ZXDC: variants seen among roughly 807,000 people sequenced by gnomAD.
ZXDC encodes ZXD family zinc finger C.
ZXDC carries 58 observed loss-of-function variants against 63.6 expected under a neutral mutation model. The ratio of observed to expected loss-of-function variants is 0.91; its 90% confidence interval spans 0.74 to 1.13. The LOEUF (loss-of-function observed/expected upper bound fraction) is 1.13. ZXDC is among the 50% of genes most tolerant of loss of function. The pLI, the probability that ZXDC is intolerant of heterozygous loss-of-function variation, is 0.00. For synonymous variants in ZXDC, 561 were observed against 496.1 expected (o/e 1.13, Z -1.74); for missense variants, 1,133 against 1,148.9 (o/e 0.99, Z 0.20).
At chr3:126,462,812 G>A (rs1025794750) in intron 5 of ZXDC, among the ~76,000 whole-genome samples, 2 of 152,162 alleles carry the variant, frequency 1.3e-5, no homozygotes, top group Admixed American at 6.5e-5. Flanking sequence ...AATAAAACTG[G>A]CTGCCTGGCA....
intron 7 of ZXDC, among the ~76,000 whole-genome samples, chr3:126,444,701 C>G (rs561333809): frequency 1.3e-5 from 2 of 152,182 alleles, no homozygotes; most frequent in Non-Finnish European, 2.9e-5. Flanking sequence ...CTGAGCCATT[C>G]ATCATGATTC....
chr3:126,453,466 T>C, intron 7 of ZXDC: 1 of 985,474 alleles, frequency 1.0e-6, no homozygotes, highest in Non-Finnish European at 1.2e-6. Flanking sequence ...GCATTTAGTT[T>C]TGGCTACATC....
At chr3:126,445,366 T>A (rs187519702) in intron 7 of ZXDC, among the ~76,000 whole-genome samples, 5 of 152,008 alleles carry the variant, frequency 3.3e-5, no homozygotes, top group Admixed American at 2.0e-4. Context: ...GCAGAACATC[T>A]CAGCGTCCAC....
At chr3:126,455,134 C>T (rs1172984285) in intron 7 of ZXDC, 1 of 980,652 alleles carries the variant, frequency 1.0e-6, no homozygotes, top group Non-Finnish European at 1.2e-6. Flanking sequence ...AATGTTGAAA[C>T]CAAAAAATCC....
At chr3:126,440,457 A>G (rs1933633759) in intron 8 of ZXDC, 1 of 985,386 alleles carries the variant, frequency 1.0e-6, no homozygotes, top group Non-Finnish European at 1.2e-6. Flanking sequence ...AAGGGACAGA[A>G]AAAGAACTCA....
At chr3:126,452,275 C>G in intron 7 of ZXDC, 1 of 985,448 alleles carries the variant, frequency 1.0e-6, no homozygotes, top group Non-Finnish European at 1.2e-6. Context: ...TTGTCCATAG[C>G]TTCTTACACA....
In ZXDC at chr3:126,461,710, C is replaced by G; in HGVS notation, c.1952G>C (p.Ser651Thr). ...TSSSTPRENA[S>T]VPELLAPIKV... ...GATTGGAGCCAGCAGTTCCGGGACA[C>G]TGGCATTTTCTCGGGGGGTGCTCGA... Residue 651 changes from serine to threonine, a missense_variant, in exon 6 of 10, where the codon AGT (serine) becomes ACT (threonine). Physicochemically the swap from Ser to Thr is moderately conservative, Grantham distance 58 (BLOSUM62 1). Coordinates refer to ENST00000389709, the MANE Select transcript of ZXDC (RefSeq NM_025112.5). 4 of 1,613,650 alleles carry G rather than the reference C, an allele frequency of 2.5e-6. No individual in the cohort carries two copies. Among genetic ancestry groups the G allele is most frequent in the Non-Finnish European group, 3.4e-6 (4 of 1,179,888 alleles).
intron 7 of ZXDC, 166 bp from the exon 8 acceptor site, chr3:126,442,112 G>A (rs1933706288): frequency 2.8e-6 from 2 of 707,190 alleles, no homozygotes; most frequent in Admixed American, 8.4e-5. Context: ...TTAAGAGGTT[G>A]AAACAAACAA....
chr3:126,457,580 A>G, intron 7 of ZXDC: 1 of 985,440 alleles, frequency 1.0e-6, no homozygotes, highest in Non-Finnish European at 1.2e-6. Flanking sequence ...ATTTAAACCA[A>G]TGAGTGCATT....
chr3:126,474,306 C>T (rs1045221980), intron 1 of ZXDC, among the ~76,000 whole-genome samples: 3 of 152,120 alleles, frequency 2.0e-5, no homozygotes, highest in South Asian at 2.1e-4. Context: ...CCTCGTAATC[C>T]GCCCGCCTCG....
intron 7 of ZXDC, chr3:126,458,869 C>T (rs1161527212): frequency 8.1e-6 from 8 of 985,266 alleles, no homozygotes; most frequent in African/African-American, 1.7e-5. Context: ...GATGCATACA[C>T]TATAGTGAAA....
intron 7 of ZXDC, among the ~76,000 whole-genome samples, chr3:126,450,820 AGT>A (rs1934072864): frequency 6.6e-6 from 1 of 152,214 alleles, no homozygotes; most frequent in African/African-American, 2.4e-5. Context: ...GGAACACTCC[AGT>A]GTGTGTGTGC....
intron 7 of ZXDC, chr3:126,453,212 TAC>T: frequency 1.0e-6 from 1 of 985,290 alleles, no homozygotes; most frequent in Non-Finnish European, 1.2e-6. Context: ...CTTATTATCA[TAC>T]AGTTAACATG....
intron 7 of ZXDC, among the ~76,000 whole-genome samples, chr3:126,446,968 T>A (rs1017546891): frequency 2.6e-5 from 4 of 152,082 alleles, no homozygotes; most frequent in African/African-American, 9.7e-5. Context: ...TCTTCCAGAG[T>A]AAACCCACAT....
chr3:126,451,008 C>T (rs777447117), intron 7 of ZXDC: 33 of 411,132 alleles, frequency 8.0e-5, no homozygotes, highest in Admixed American at 6.4e-5. Flanking sequence ...CTCTAGCTCT[C>T]GTCCCCACTG....
chr3:126,471,649 A>G (rs1338383343), intron 3 of ZXDC, among the ~76,000 whole-genome samples: 6 of 152,074 alleles, frequency 3.9e-5, no homozygotes, highest in Non-Finnish European at 1.5e-5. Flanking sequence ...TGTCATTACC[A>G]CCATGAAAAC....
chr3:126,445,145 T>C (rs1369960677), intron 7 of ZXDC, among the ~76,000 whole-genome samples: 5 of 152,190 alleles, frequency 3.3e-5, no homozygotes, highest in Non-Finnish European at 7.3e-5. Flanking sequence ...CACCACTAAT[T>C]TGCATCAGAA....
intron 1 of ZXDC, 28 bp downstream of exon 1, chr3:126,474,931 G>A (rs1031056366): frequency 4.6e-6 from 7 of 1,538,232 alleles, no homozygotes; most frequent in Non-Finnish European, 6.1e-6. Context: ...ACACCGCGCA[G>A]CCCGCCCGCC....
chr3:126,460,578 C>T (rs1934486724), intron 6 of ZXDC: 1 of 985,426 alleles, frequency 1.0e-6, no homozygotes, highest in Non-Finnish European at 1.2e-6. Context: ...ACTGACTGAG[C>T]ACTTGTCTCT....
Sources: gnomAD v4.1 joint callset for allele counts (sites outside exome capture counted in the v4.1 genomes callset) on GRCh38, gnomAD v4.1.1 for gene constraint, MANE v1.5 for transcripts, NCBI Gene and HGNC (gene_info 2026-07-23, HGNC 2026-07-21) for gene names.